The following LEPR variants were observed in gnomAD, a reference collection of about 807,000 sequenced individuals.
The protein encoded by LEPR is OB receptor.
A neutral mutation model predicts 114.7 loss-of-function variants in LEPR; 56 were observed. The ratio of observed to expected loss-of-function variants is 0.49; its 90% CI spans 0.39 to 0.61. The LOEUF (loss-of-function observed/expected upper bound fraction) is 0.61. LEPR is among the 20% of genes least tolerant of loss of function. The pLI, the probability that LEPR is intolerant of heterozygous loss-of-function variation, is 0.00. For missense variants in LEPR, 1,202 were observed against 1,352.9 expected (o/e 0.89, Z 1.75); for synonymous variants, 443 against 461.4 (o/e 0.96, Z 0.51).
In LEPR at chr1:65,565,725, T is replaced by C. The variant is rs1653688027; in HGVS notation, c.40+120T>C. The C allele has an allele frequency of 2.3e-6, 3 of 1,284,148 alleles. No individual in the cohort carries two copies. The East Asian group carries it at 7.2e-5, about 31-fold the overall frequency. The allele number at this position is 1,284,148 out of a possible 1,614,324, so 79.5% of individuals were successfully genotyped here. ...TCCTATTTCTAGTTAGGAATTCTCA[T>C]ACATGCTTATGATTAAAAATGCAAA... On this transcript the variant is annotated intron_variant, in intron 3 of 19. Transcript: ENST00000349533.
chr1:65,575,158 T>A (rs1176111644), intron 5 of LEPR, among the ~76,000 whole-genome samples: 1 of 152,144 alleles, frequency 6.6e-6, no homozygotes, highest in African/African-American at 2.4e-5. Flanking sequence ...ACAGGAAGGA[T>A]CAACTCCCTT....
intron 5 of LEPR, among the ~76,000 whole-genome samples, chr1:65,578,834 A>G (rs1005437040): frequency 7.9e-5 from 12 of 152,188 alleles, no homozygotes; most frequent in Non-Finnish European, 1.2e-4. Flanking sequence ...AAATATGCAC[A>G]GCTGCCACTG....
chr1:65,483,989 A>C (rs1197174090), intron 2 of LEPR, among the ~76,000 whole-genome samples: 1 of 150,262 alleles, frequency 6.7e-6, no homozygotes, highest in Non-Finnish European at 1.5e-5. Flanking sequence ...TCTAGGCTGG[A>C]GTGCAGTGGC....
At chr1:65,466,037 T>C (rs1647007629) in intron 2 of LEPR, among the ~76,000 whole-genome samples, 1 of 152,242 alleles carries the variant, frequency 6.6e-6, no homozygotes, top group African/African-American at 2.4e-5. Flanking sequence ...TTAAGGTTAA[T>C]ATTGTTATAT....
chr1:65,636,103 CTT>C (rs1658710149), intron 19 of LEPR, 86 bp from the exon 20 acceptor site: 5 of 1,437,862 alleles, frequency 3.5e-6, no homozygotes, highest in South Asian at 1.2e-5. Flanking sequence ...TTATTATTAA[CTT>C]AACACACTTC....
At chr1:65,529,411 A>T (rs1328515016) in intron 2 of LEPR, among the ~76,000 whole-genome samples, 2 of 151,454 alleles carry the variant, frequency 1.3e-5, no homozygotes, top group Admixed American at 1.3e-4. Flanking sequence ...AATCCCAGCT[A>T]CTCCGGAGGC....
chr1:65,592,994 T>G, intron 6 of LEPR, 129 bp downstream of exon 6: 1 of 997,366 alleles, frequency 1.0e-6, no homozygotes, highest in Non-Finnish European at 1.5e-6. Flanking sequence ...GTAGATGTAG[T>G]ACTGGGGGTA....
chr1:65,488,708 T>A (rs1476421201), intron 2 of LEPR, among the ~76,000 whole-genome samples: 1 of 152,016 alleles, frequency 6.6e-6, no homozygotes, highest in African/African-American at 2.4e-5. Flanking sequence ...TCTTATTCAT[T>A]CTATCTAAGT....
At chr1:65,464,560 T>G (rs1263333890) in intron 2 of LEPR, among the ~76,000 whole-genome samples, 1 of 152,158 alleles carries the variant, frequency 6.6e-6, no homozygotes, top group Non-Finnish European at 1.5e-5. Context: ...AGGGAGGATA[T>G]CCTCTTTTTC....
intron 2 of LEPR, among the ~76,000 whole-genome samples, chr1:65,473,673 T>C (rs944542623): frequency 2.0e-5 from 3 of 152,210 alleles, no homozygotes; most frequent in African/African-American, 7.2e-5. Context: ...GTTTCTCACT[T>C]ACAATGTGGG....
rs894572145 is a variant in LEPR, at chr1:65,450,545, C to T, written c.-21+25167C>T. On this transcript the variant is annotated intron_variant, in intron 2 of 19. Coordinates refer to ENST00000349533, the MANE Select transcript of LEPR (RefSeq NM_002303.6). ...TGCAGTGTTTGGTTTTTTGTTCTTG[C>T]GATAGTTTACTGAGAATGATGATTT... Among the ~76,000 whole-genome samples, 9 of 141,574 alleles carry T rather than the reference C, an allele frequency of 6.4e-5. No homozygotes were observed. The South Asian group carries it at 7.2e-4, about 11-fold the overall frequency. The allele number at this position is 141,574 out of a possible 152,430, so 92.9% of individuals were successfully genotyped here. A position where few individuals can be genotyped will look rare whatever the true frequency, so the allele number is the denominator to read the frequency against.
chr1:65,477,648 A>C (rs2100437484), intron 2 of LEPR, among the ~76,000 whole-genome samples: 1 of 152,328 alleles, frequency 6.6e-6, no homozygotes, highest in East Asian at 1.9e-4. Flanking sequence ...ACACAAGTGC[A>C]AGGCCATACT....
chr1:65,630,144 C>G, intron 19 of LEPR: 1 of 203,182 alleles, frequency 4.9e-6, no homozygotes, highest in Non-Finnish European at 1.0e-5. Flanking sequence ...TCTGAGCAGT[C>G]AGATACTATT....
chr1:65,600,341 A>G (rs1433149075), intron 8 of LEPR, among the ~76,000 whole-genome samples: 1 of 152,094 alleles, frequency 6.6e-6, no homozygotes, highest in Non-Finnish European at 1.5e-5. Flanking sequence ...TATGCTACTA[A>G]GTTTTTTCCT....
intron 2 of LEPR, among the ~76,000 whole-genome samples, chr1:65,427,185 C>G (rs1482934036): frequency 3.9e-5 from 6 of 152,172 alleles, no homozygotes; most frequent in African/African-American, 1.4e-4. Flanking sequence ...TTACTTTATT[C>G]TAGCTTTTGG....
At chr1:65,435,855 T>G in intron 2 of LEPR, 1 of 983,060 alleles carries the variant, frequency 1.0e-6, no homozygotes, top group Non-Finnish European at 1.2e-6. Context: ...TCTCATGAAG[T>G]ACCTTATTGC....
At chr1:65,439,827 T>C (rs1570451960) in intron 2 of LEPR, among the ~76,000 whole-genome samples, 5 of 42,770 alleles carry the variant, frequency 1.2e-4, no homozygotes, top group South Asian at 8.3e-4. Flanking sequence ...AAACTCCATC[T>C]CAAAAAAAAA....
chr1:65,435,865 C>A, intron 2 of LEPR: 1 of 983,560 alleles, frequency 1.0e-6, no homozygotes, highest in South Asian at 4.7e-5. Flanking sequence ...TACCTTATTG[C>A]AAAAATCCCA....
chr1:65,434,550 A>G, intron 2 of LEPR: 1 of 985,110 alleles, frequency 1.0e-6, no homozygotes, highest in Non-Finnish European at 1.2e-6. Context: ...AACAGGTTCA[A>G]CTCTAATATA....
Sources: allele counts gnomAD v4.1 joint callset (sites outside exome capture counted in the v4.1 genomes callset), GRCh38; gene constraint gnomAD v4.1.1; transcripts MANE v1.5; gene names NCBI Gene and HGNC (gene_info 2026-07-23, HGNC 2026-07-21).